CRB1: variants seen among roughly 807,000 people sequenced by gnomAD.
CRB1 encodes protein crumbs homolog 1.
Under a neutral mutation model 120.0 loss-of-function variants are expected in CRB1, and 83 were observed. The observed-to-expected ratio is 0.69, with a 90% CI of 0.58 to 0.83. The LOEUF is 0.83. Ranked by LOEUF, CRB1 falls within the 40% of genes least tolerant of loss-of-function variation. The pLI is 0.00. For missense variants in CRB1, 1,699 were observed against 1,687.6 expected, an observed-to-expected ratio of 1.01 and a Z score of -0.12; for synonymous variants, 625 against 612.5, an observed-to-expected ratio of 1.02 and a Z score of -0.30.
intron 11 of CRB1, among the ~76,000 whole-genome samples, chr1:197,447,755 T>A (rs763498331): frequency 4.0e-5 from 6 of 150,580 alleles, no homozygotes; most frequent in Non-Finnish European, 7.4e-5. Context: ...AGGCTGAGGC[T>A]AGGTGGGAAG....
chr1:197,328,351 G>C (rs548468838), intron 1 of CRB1, 71 bp from the exon 2 acceptor site: 3 of 1,292,784 alleles, frequency 2.3e-6, no homozygotes, highest in African/African-American at 3.0e-5. Context: ...CAGCACAAAG[G>C]TCACAAAGAA....
intron 5 of CRB1, among the ~76,000 whole-genome samples, chr1:197,380,071 G>A (rs1273065202): frequency 1.3e-5 from 2 of 152,098 alleles, no homozygotes; most frequent in African/African-American, 4.8e-5. Flanking sequence ...CGAAAAAGAG[G>A]CAGATAAAGA....
At chr1:197,260,931 G>A in the CRB1 span, among the ~76,000 whole-genome samples, 4 of 152,144 alleles carry the variant, frequency 2.6e-5, no homozygotes, top group East Asian at 1.9e-4. Context: ...TCCTGACCTC[G>A]TGATCCACCC....
chr1:197,434,416 C>T (rs1264823030), intron 8 of CRB1, among the ~76,000 whole-genome samples: 1 of 152,108 alleles, frequency 6.6e-6, no homozygotes, highest in Non-Finnish European at 1.5e-5. Context: ...ATCAGACCAT[C>T]CCAGTTTGAT....
In CRB1 at chr1:197,384,486, A is replaced by C. The variant is rs113259091; in HGVS notation, c.1171+27473A>C. On this transcript the variant is annotated intron_variant, in intron 5 of 11. Transcript: ENST00000367400. ...TGGTGTTTGCAAGCGTTTCCGTTTA[A>C]GACCCTTGTCTTAATTCTAAGCTGA... 2.4e-3 allele frequency among the ~76,000 whole-genome samples: 360 copies of C among 152,282 alleles called. 2 individuals are homozygous for C. The highest frequency in any genetic ancestry group is 8.0e-3 in the African/African-American group (334 of 41,564).
intron 5 of CRB1, among the ~76,000 whole-genome samples, chr1:197,384,019 C>G (rs1662087319): frequency 1.3e-5 from 2 of 152,158 alleles, no homozygotes; most frequent in Non-Finnish European, 1.5e-5. Flanking sequence ...AGATTTTGCT[C>G]TTGGATATGG....
the CRB1 span, chr1:197,222,426 C>G: frequency 1.0e-5 from 8 of 768,306 alleles, no homozygotes; most frequent in Admixed American, 1.7e-5. Context: ...TCATCGTCCT[C>G]GGGCTACCGT....
chr1:197,311,272 G>A (rs573497170), intron 1 of CRB1, among the ~76,000 whole-genome samples: 6 of 152,260 alleles, frequency 3.9e-5, no homozygotes, highest in Middle Eastern at 3.4e-3. Context: ...TATGCTAGGC[G>A]AAATAAGTCA....
intron 1 of CRB1, among the ~76,000 whole-genome samples, chr1:197,315,949 C>T (rs916351951): frequency 1.3e-5 from 2 of 152,138 alleles, no homozygotes; most frequent in African/African-American, 4.8e-5. Flanking sequence ...AGGTCAATTG[C>T]CATGTATAAA....
chr1:197,405,954 G>C (rs899274887), intron 5 of CRB1, among the ~76,000 whole-genome samples: 2 of 150,994 alleles, frequency 1.3e-5, no homozygotes, highest in Non-Finnish European at 3.0e-5. Context: ...AGGGAGGTGG[G>C]GGGGTCAGCC....
chr1:197,462,839 G>T (rs1282185436), intron 11 of CRB1, among the ~76,000 whole-genome samples: 1 of 151,598 alleles, frequency 6.6e-6, no homozygotes, highest in Non-Finnish European at 1.5e-5. Flanking sequence ...AATAACGCCA[G>T]AGTGTCATGT....
At chr1:197,224,425 A>C in the CRB1 span, among the ~76,000 whole-genome samples, 190 of 152,258 alleles carry the variant, frequency 1.2e-3, no homozygotes, top group Non-Finnish European at 2.1e-3. Context: ...AGTATATCAA[A>C]ATAGTCACAG....
chr1:197,344,521 C>A lies in CRB1; in HGVS notation c.848+45C>A, dbSNP rs757546355. 5 of 1,557,860 alleles carry A rather than the reference C, an allele frequency of 3.2e-6. No individual in the cohort carries two copies. In the South Asian group the frequency reaches 5.6e-5, roughly 17 times the overall value. On this transcript the variant is annotated intron_variant, in intron 3 of 11. Transcript: ENST00000367400. ...GGGTGATTGGCTTAGAACTCCCTGA[C>A]CATGAACTATTTTACCACTCTGTTG...
Position 197,435,432 on chromosome 1 carries a change from A to G in CRB1, c.3569A>G (p.Asn1190Ser). ...TTTTCAAACCCCTGTATCCATGGCA[A>G]CTGCTCTGACAGAGTTGCAGCCTAC... ...ECFSNPCIHG[N>S]CSDRVAAYHC... Residue 1190 changes from asparagine (N) to serine (S), a missense_variant, in exon 9 of 12, where the codon AAC (asparagine) becomes AGC (serine). Asn to Ser is a conservative substitution (Grantham distance 46). Transcript: ENST00000367400. The G allele has an allele frequency of 6.3e-7, 1 of 1,596,572 alleles. No homozygotes were observed. Among genetic ancestry groups the G allele is most frequent in the Non-Finnish European group, 8.5e-7 (1 of 1,170,880 alleles).
intron 4 of CRB1, among the ~76,000 whole-genome samples, chr1:197,355,932 G>T (rs1660456306): frequency 6.6e-6 from 1 of 152,328 alleles, no homozygotes; most frequent in African/African-American, 2.4e-5. Flanking sequence ...GGGCTGCGAG[G>T]GCTGCCAGCA....
chr1:197,247,432 G>T, the CRB1 span, among the ~76,000 whole-genome samples: 1 of 152,066 alleles, frequency 6.6e-6, no homozygotes. Flanking sequence ...CATTGTGCAA[G>T]AAAAGAACAC....
At chr1:197,293,978 A>G (rs892276880) in intron 1 of CRB1, among the ~76,000 whole-genome samples, 7 of 152,218 alleles carry the variant, frequency 4.6e-5, no homozygotes, top group African/African-American at 1.7e-4. Flanking sequence ...AAACTTAGGC[A>G]ATACCATTCA....
chr1:197,294,463 A>G (rs577162574), intron 1 of CRB1, among the ~76,000 whole-genome samples: 2 of 152,272 alleles, frequency 1.3e-5, no homozygotes, highest in African/African-American at 4.8e-5. Flanking sequence ...TGGTGGGACT[A>G]TAAACTAATT....
rs146460893 is a variant in CRB1 at position 197,416,855 on chromosome 1, A to G, written c.1172-4145A>G. 7.2e-4 allele frequency among the ~76,000 whole-genome samples: 109 copies of G among 152,192 alleles called. 1 individual carries two copies. The East Asian group carries it at 0.02, about 28-fold the overall frequency. ...CTCTTGAGTAGCTGGGATTACAGGC[A>G]CACGCCACCACGCCTGGCTAATTTT... On this transcript the variant is annotated intron_variant, in intron 5 of 11. Coordinates refer to ENST00000367400, the MANE Select transcript of CRB1 (RefSeq NM_201253.3).
Sources: allele counts gnomAD v4.1 joint callset (sites outside exome capture counted in the v4.1 genomes callset), GRCh38; gene constraint gnomAD v4.1.1; transcripts MANE v1.5; gene names NCBI Gene and HGNC (gene_info 2026-07-23, HGNC 2026-07-21).